DCAKD: variants seen among roughly 807,000 people sequenced by gnomAD.
DCAKD encodes the protein dephospho-CoA kinase domain containing, also known as dephospho-CoA kinase domain-containing protein.
DCAKD carries 15 observed loss-of-function variants against 18.7 expected under a neutral mutation model. The observed-to-expected ratio is 0.80, with a 90% CI of 0.54 to 1.24. DCAKD has a LOEUF of 1.24. DCAKD is among the 50% of genes most tolerant of loss of function. The pLI is 0.00. For synonymous variants in DCAKD, 130 were observed against 133.0 expected (o/e 0.98, Z 0.16); for missense variants, 301 against 322.0 (o/e 0.93, Z 0.50).
At chr17:45,034,641 G>C (rs1177950717) in intron 2 of DCAKD, 133 bp downstream of exon 2, 2 of 1,044,464 alleles carry the variant, frequency 1.9e-6, no homozygotes, top group African/African-American at 1.6e-5. Context: ...GCACGGGGCA[G>C]AGACAGAAGT....
Position 45,024,340 on chromosome 17 carries a change from G to GTGTGTGTGTGTGTGT in DCAKD, c.*92_*93insACACACACACACACA, listed in dbSNP as rs1555594979. 2 of 131,812 alleles carry GTGTGTGTGTGTGTGT rather than the reference G, an allele frequency of 1.5e-5. No individual in the cohort carries two copies. The highest frequency in any genetic ancestry group is 3.3e-4 in the African/African-American group (2 of 6,102). 8.2% of individuals were successfully genotyped at this position (131,812 alleles called of 1,614,324 possible). A position where few individuals can be genotyped will look rare whatever the true frequency, so the allele number is the denominator to read the frequency against. ...GTGTGTGTGTGTGTGTGTGTGTGTG[G>GTGTGTGTGTGTGTGT]GGAGGGGGCTGAGAGGAAACAGGAT... On this transcript the variant is annotated 3_prime_UTR_variant, in exon 5 of 5. Transcript: ENST00000651974.
upstream of DCAKD, among the ~76,000 whole-genome samples, chr17:45,053,372 C>T (rs2053747282): frequency 6.6e-6 from 1 of 151,000 alleles, no homozygotes; most frequent in Non-Finnish European, 1.5e-5. Flanking sequence ...ATTCTCCTGC[C>T]ACAGCTTCCC....
intron 4 of DCAKD, among the ~76,000 whole-genome samples, chr17:45,028,374 T>C (rs535647643): frequency 1.1e-4 from 16 of 150,912 alleles, no homozygotes; most frequent in Admixed American, 5.9e-4. Context: ...CCTCCCAAAG[T>C]GCTGGGATTA....
At chr17:45,031,114 G>A in intron 3 of DCAKD, 4 of 985,430 alleles carry the variant, frequency 4.1e-6, no homozygotes, top group Non-Finnish European at 4.8e-6. Context: ...TGGGGCAGGA[G>A]ACTGCACCCC....
chr17:45,044,639 C>T (rs1038252610), intron 1 of DCAKD, among the ~76,000 whole-genome samples: 17 of 151,890 alleles, frequency 1.1e-4, no homozygotes, highest in Non-Finnish European at 2.5e-4. Flanking sequence ...TTGCAGTGAG[C>T]CGAGATTGTG....
At chr17:45,044,640 C>T (rs189379509) in intron 1 of DCAKD, among the ~76,000 whole-genome samples, 2 of 151,882 alleles carry the variant, frequency 1.3e-5, no homozygotes, top group Admixed American at 1.3e-4. Flanking sequence ...TGCAGTGAGC[C>T]GAGATTGTGC....
intron 1 of DCAKD, among the ~76,000 whole-genome samples, chr17:45,039,336 C>T (rs2053376173): frequency 6.6e-6 from 1 of 152,322 alleles, no homozygotes. Context: ...CTCCAGAATC[C>T]GATCTGGCTT....
chr17:45,061,100 G>T, exon 1 of DCAKD: 1 of 1,317,014 alleles, frequency 7.6e-7, no homozygotes, highest in East Asian at 3.2e-5. Flanking sequence ...TCCTCAAAGC[G>T]TGGCCGAATG....
At chr17:45,052,636 C>T (rs2053730436), upstream of DCAKD, among the ~76,000 whole-genome samples, 1 of 150,714 alleles carries the variant, frequency 6.6e-6, no homozygotes, top group African/African-American at 2.4e-5. Flanking sequence ...GGGAGGATCA[C>T]TTGAGCCCAG....
In DCAKD at chr17:45,043,811, C is replaced by A. The variant is rs1466208499; in HGVS notation, c.-115+7550G>T. ...AACTCCATTTCCCTAAACAGTACCTCCCTCCTCCCTCCTTCCACTTGTATA... is the reference window on the plus strand; with the variant it reads ...AACTCCATTTCCCTAAACAGTACCTACCTCCTCCCTCCTTCCACTTGTATA... On this transcript the variant is annotated intron_variant, in intron 1 of 4. Coordinates refer to ENST00000651974, the MANE Select transcript of DCAKD (RefSeq NM_001288655.2). 3.3e-5 allele frequency among the ~76,000 whole-genome samples: 5 copies of A among 151,906 alleles called. No homozygotes were observed. The South Asian group carries it at 6.2e-4, about 19-fold the overall frequency.
rs1166869190 is a variant in DCAKD at position 45,051,569 on chromosome 17, G to A, written c.-323C>T. On this transcript the variant is annotated 5_prime_UTR_variant, in exon 1 of 5. Transcript: ENST00000651974. ...GCTACGTACCCAGCGCCTCCGCCGTGGCCCAGGCCTCCGCCTCTAGCCCAA... is the reference window on the plus strand; with the variant it reads ...GCTACGTACCCAGCGCCTCCGCCGTAGCCCAGGCCTCCGCCTCTAGCCCAA... 6.6e-6 allele frequency: 1 copy of A among 151,358 alleles called. No individual in the cohort carries two copies. The highest frequency in any genetic ancestry group is 1.5e-5 in the Non-Finnish European group (1 of 67,800). The allele number at this position is 151,358 out of a possible 1,614,324, so 9.4% of individuals were successfully genotyped here.
At chr17:45,048,671 T>G (rs2053625621) in intron 1 of DCAKD, among the ~76,000 whole-genome samples, 1 of 148,232 alleles carries the variant, frequency 6.7e-6, no homozygotes, top group Non-Finnish European at 1.5e-5. Flanking sequence ...CCAGGCGTGG[T>G]GGCATGCACC....
intron 3 of DCAKD, chr17:45,032,102 C>G (rs1300644397): frequency 1.0e-6 from 1 of 985,256 alleles, no homozygotes; most frequent in Non-Finnish European, 1.2e-6. Flanking sequence ...CGCCTCGAAG[C>G]CCTGCAGATA....
At position 45,034,971 on chromosome 17, in the gene DCAKD, G is replaced by T; in HGVS notation, c.-86C>A. ...AGCAGGGCAAGTGTGGCCGATGGGGGCGGTCCACCAGAGGAGTGCCAGAAG... is the reference window on the plus strand; with the variant it reads ...AGCAGGGCAAGTGTGGCCGATGGGGTCGGTCCACCAGAGGAGTGCCAGAAG... On this transcript the variant is annotated 5_prime_UTR_variant, in exon 2 of 5. Transcript: ENST00000651974. 1.4e-6 allele frequency: 2 copies of T among 1,431,422 alleles called. No individual in the cohort carries two copies. Among genetic ancestry groups the T allele is most frequent in the Non-Finnish European group, 1.9e-6 (2 of 1,032,964 alleles). The allele number at this position is 1,431,422 out of a possible 1,614,324, so 88.7% of individuals were successfully genotyped here.
At chr17:45,033,576 C>T (rs1173794734) in intron 3 of DCAKD, among the ~76,000 whole-genome samples, 1 of 152,170 alleles carries the variant, frequency 6.6e-6, no homozygotes, top group Admixed American at 6.6e-5. Flanking sequence ...GCGATTCTCC[C>T]GTCTCAGCCT....
At chr17:45,034,069 G>T (rs752282001) in intron 3 of DCAKD, 118 bp downstream of exon 3, 43 of 1,599,574 alleles carry the variant, frequency 2.7e-5, no homozygotes, top group Non-Finnish European at 3.5e-5. Context: ...CCAGTAAGCA[G>T]TATGAACTCA....
chr17:45,057,785 C>T (rs1395546623), intron 1 of DCAKD, among the ~76,000 whole-genome samples: 3 of 150,692 alleles, frequency 2.0e-5, no homozygotes, highest in Non-Finnish European at 4.4e-5. Context: ...GCGAGGTGGG[C>T]GGATCACCTG....
At chr17:45,033,372 A>G (rs1282150751) in intron 3 of DCAKD, among the ~76,000 whole-genome samples, 2 of 152,180 alleles carry the variant, frequency 1.3e-5, no homozygotes, top group East Asian at 3.8e-4. Context: ...TGGCTCAGCC[A>G]GAACCAAACC....
intron 1 of DCAKD, among the ~76,000 whole-genome samples, chr17:45,038,037 G>A (rs911072487): frequency 6.6e-6 from 1 of 151,464 alleles, no homozygotes; most frequent in African/African-American, 2.4e-5. Context: ...CCAAAGTGCT[G>A]GGATTACAGG....
Sources: gnomAD v4.1 joint callset for allele counts (sites outside exome capture counted in the v4.1 genomes callset) on GRCh38, gnomAD v4.1.1 for gene constraint, MANE v1.5 for transcripts, NCBI Gene and HGNC (gene_info 2026-07-23, HGNC 2026-07-21) for gene names.